PCNT: variants seen among roughly 807,000 people sequenced by gnomAD.
The protein encoded by PCNT is kendrin.
A neutral mutation model predicts 380.4 loss-of-function variants in PCNT; 319 were observed. That is an observed-to-expected ratio of 0.84 (90% CI 0.77 to 0.92). PCNT has a LOEUF of 0.92. PCNT is among the 40% of genes least tolerant of loss of function. The pLI is 0.00. For synonymous variants in PCNT, 1,845 were observed against 1,735.2 expected (o/e 1.06, Z -1.57); for missense variants, 4,400 against 4,255.3 (o/e 1.03, Z -0.95).
intron 3 of PCNT, among the ~76,000 whole-genome samples, chr21:46,338,401 T>C (rs2083818373): frequency 6.6e-6 from 1 of 152,188 alleles, no homozygotes; most frequent in Admixed American, 6.6e-5. Context: ...TTCTATAATA[T>C]GTAGGCTTTT....
Position 46,443,831 on chromosome 21 carries a change from A to T in PCNT, c.9722A>T (p.Gln3241Leu), listed in dbSNP as rs1321946741. Reference sequence around the variant, plus strand: ...GAAGGGCCCCGAGCACGACAGCCGCAGTCTCCACCCAGAACCAGAGAGTCC... The same window carrying T: ...GAAGGGCCCCGAGCACGACAGCCGCTGTCTCCACCCAGAACCAGAGAGTCC... ...PRPGPRARQPQSPPRTRESPP... is the reference protein window; with the variant it reads ...PRPGPRARQPLSPPRTRESPP... Residue 3241 changes from glutamine (Q) to leucine (L), a missense_variant, in exon 45 of 47, where the codon CAG becomes CTG. Coordinates refer to ENST00000359568, the MANE Select transcript of PCNT (RefSeq NM_006031.6). 1 of 1,613,508 alleles carries T rather than the reference A, an allele frequency of 6.2e-7. No individual in the cohort carries two copies. The highest frequency in any genetic ancestry group is 1.7e-5 in the Admixed American group (1 of 59,998).
chr21:46,420,536 G>A (rs1242738324), intron 31 of PCNT: 3 of 152,330 alleles, frequency 2.0e-5, no homozygotes, highest in Non-Finnish European at 4.4e-5. Flanking sequence ...CCAGGTGAGA[G>A]GTCCCTGCAC....
intron 21 of PCNT, among the ~76,000 whole-genome samples, chr21:46,393,087 G>A (rs958830992): frequency 4.6e-5 from 7 of 152,278 alleles, no homozygotes; most frequent in African/African-American, 1.4e-4. Context: ...TCACTGCGGT[G>A]TTGCCTGCTG....
rs755119869 is a variant in PCNT, at chr21:46,416,569, G to T, written c.6651G>T (p.Gly2217=). Residue 2217 remains glycine (G), a synonymous_variant, in exon 30 of 47, where the codon GGG becomes GGT. Coordinates refer to ENST00000359568, the MANE Select transcript of PCNT (RefSeq NM_006031.6). ...AEAGPRKSPV[G]MLDLSSWSSP... is the part of the protein sequence containing the mutation. The stretch of plus-strand genomic sequence containing the variant: ...CTGGGCCCCGGAAGAGCCCGGTCGG[G>T]ATGCTGGACCTGTCTTCCTGGAGCT... 14 of 1,611,372 alleles carry T rather than the reference G, an allele frequency of 8.7e-6. No individual in the cohort carries two copies. In the African/African-American group the frequency reaches 1.9e-4, roughly 22 times the overall value.
intron 31 of PCNT, among the ~76,000 whole-genome samples, chr21:46,421,372 C>T (rs527518951): frequency 2.2e-4 from 33 of 152,322 alleles, no homozygotes; most frequent in African/African-American, 7.9e-4. Context: ...GTCCCTTACA[C>T]GATCCTGCCT....
intron 45 of PCNT, among the ~76,000 whole-genome samples, chr21:46,444,400 G>A (rs1004596769): frequency 6.6e-6 from 1 of 152,214 alleles, no homozygotes; most frequent in Non-Finnish European, 1.5e-5. Context: ...GATCAGGAAA[G>A]GCAGGTGAGA....
At chr21:46,440,317 C>A in intron 42 of PCNT, 115 bp downstream of exon 42, 3 of 1,096,514 alleles carry the variant, frequency 2.7e-6, no homozygotes, top group Non-Finnish European at 4.1e-6. Flanking sequence ...GTGTAGCAGT[C>A]ACATCACTAA....
intron 15 of PCNT, among the ~76,000 whole-genome samples, chr21:46,372,394 G>A (rs1251765710): frequency 2.0e-5 from 3 of 151,726 alleles, no homozygotes; most frequent in African/African-American, 7.3e-5. Flanking sequence ...CATACACGCA[G>A]CACATGCACA....
chr21:46,405,833 AG>A (rs1414118406), intron 27 of PCNT, among the ~76,000 whole-genome samples: 1 of 152,236 alleles, frequency 6.6e-6, no homozygotes, highest in Non-Finnish European at 1.5e-5. Flanking sequence ...TTACATGTTA[AG>A]GACAGTATTT....
At chr21:46,325,055 C>T (rs981275493) in intron 1 of PCNT, 1 of 985,408 alleles carries the variant, frequency 1.0e-6, no homozygotes, top group South Asian at 4.7e-5. Context: ...CGTCTTTCTC[C>T]CGCCCCGGGT....
At chr21:46,354,461 A>T (rs2084399977) in intron 11 of PCNT, among the ~76,000 whole-genome samples, 1 of 152,152 alleles carries the variant, frequency 6.6e-6, no homozygotes, top group African/African-American at 2.4e-5. Flanking sequence ...CCGTGCTGCG[A>T]CTTCTGTCAC....
chr21:46,425,755 C>T lies in PCNT; in HGVS notation c.7180-76C>T, dbSNP rs374272512. The T allele has an allele frequency of 1.8e-5, 29 of 1,602,464 alleles. No individual in the cohort carries two copies. Among genetic ancestry groups the T allele is most frequent in the African/African-American group, 1.6e-4 (12 of 74,724 alleles). On this transcript the variant is annotated intron_variant, in intron 32 of 46. Transcript: ENST00000359568. This position sits in a 1 kb window ranked among gnomAD's most constrained non-coding sequence, Gnocchi z 4.2. ...CCTTCACAGAGTCCTGGCGGCAGCT[C>T]GGGGCCGCAGGTGGTGTAGAGCGTG...
At chr21:46,411,089 C>G in intron 27 of PCNT, 100 bp from the exon 28 acceptor site, 1 of 1,223,864 alleles carries the variant, frequency 8.2e-7, no homozygotes, top group Non-Finnish European at 1.2e-6. Flanking sequence ...GCTATGGAGT[C>G]TTCACTCCAA....
Position 46,366,593 on chromosome 21 carries a change from G to A in PCNT, c.2619G>A (p.Glu873=). The A allele has an allele frequency of 1.2e-6, 2 of 1,613,936 alleles. No homozygotes were observed. The highest frequency in any genetic ancestry group is 1.7e-6 in the Non-Finnish European group (2 of 1,179,880). ...QLMLARSRFL[E]ERKEITEKFS... is the part of the protein sequence containing the mutation. ...CACTTTGTTGCCGCAGGTTTTTAGA[G>A]GAACGTAAAGAGATCACCGAGAAAT... The change falls in exon 15 of 47, where the codon GAG becomes GAA. Residue 873 remains glutamate, a synonymous_variant. Coordinates refer to ENST00000359568, the MANE Select transcript of PCNT (RefSeq NM_006031.6).
At position 46,387,841 on chromosome 21, in the gene PCNT, TCA is replaced by T. The variant is rs138469889; in HGVS notation, c.3465-898_3465-897del. ...GTCAACGTGCCTGTCCTCAGCGGCG[TCA>T]CAGCTCCTAAATCATAGTGCAGGGA... is the stretch of plus-strand genomic sequence containing the variant. On this transcript the variant is annotated intron_variant, in intron 17 of 46. Transcript: ENST00000359568. 2.8e-3 allele frequency among the ~76,000 whole-genome samples: 425 copies of T among 152,162 alleles called. 2 individuals carry two copies. The highest frequency in any genetic ancestry group is 9.5e-3 in the African/African-American group (394 of 41,508).
intron 22 of PCNT, 48 bp from the exon 23 acceptor site, chr21:46,397,966 C>T: frequency 6.9e-7 from 1 of 1,457,146 alleles, no homozygotes. Flanking sequence ...CTGCAAGGGG[C>T]ACGCCAGCCC....
chr21:46,426,876 T>A (rs1446097479), intron 33 of PCNT, among the ~76,000 whole-genome samples: 2 of 152,018 alleles, frequency 1.3e-5, no homozygotes, highest in African/African-American at 4.8e-5. Context: ...CAAAGCTTTG[T>A]GAGGGAGGGA....
chr21:46,389,302 C>G lies in PCNT; in HGVS notation c.3711C>G (p.His1237Gln), dbSNP rs1479273114. 2 of 1,614,118 alleles carry G rather than the reference C, an allele frequency of 1.2e-6. No homozygotes were observed. Among genetic ancestry groups the G allele is most frequent in the African/African-American group, 2.7e-5 (2 of 74,944 alleles). ...CTTCCGTGGCTGAAATTAGCAGCCA[C>G]ATGCGTGAAAGCTTTCTCATGAGCC... ...EMSSVAEISSHMRESFLMSPE... is the reference protein window; with the variant it reads ...EMSSVAEISSQMRESFLMSPE... The change falls in exon 19 of 47, where the codon CAC (histidine) becomes CAG (glutamine). Residue 1237 changes from histidine (H) to glutamine (Q), a missense_variant. By Grantham distance (24) the His-to-Gln change is conservative. Coordinates refer to ENST00000359568, the MANE Select transcript of PCNT (RefSeq NM_006031.6).
At position 46,430,003 on chromosome 21, in the gene PCNT, T is replaced by G; in HGVS notation, c.7691-7T>G. 6.2e-7 allele frequency: 1 copy of G among 1,613,408 alleles called. No homozygotes were observed. The highest frequency in any genetic ancestry group is 8.5e-7 in the Non-Finnish European group (1 of 1,179,318). On this transcript the variant is annotated splice_polypyrimidine_tract_variant and splice_region_variant and intron_variant, in intron 35 of 46. Coordinates refer to ENST00000359568, the MANE Select transcript of PCNT (RefSeq NM_006031.6). ...GGGGCCTGTTACTGTTCTTTTGTCT[T>G]TCTCAGTTGAACTGCTGGCTTATAA...
Sources: allele counts gnomAD v4.1 joint callset (sites outside exome capture counted in the v4.1 genomes callset), GRCh38; gene constraint gnomAD v4.1.1; non-coding constraint Gnocchi (gnomAD v3.1); transcripts MANE v1.5; gene names NCBI Gene and HGNC (gene_info 2026-07-23, HGNC 2026-07-21).